GGNBP2: variants seen among roughly 807,000 people sequenced by gnomAD.
GGNBP2 encodes the protein gametogenetin binding protein 2.
In GGNBP2, 10 loss-of-function variants were observed where a neutral mutation model predicts 85.9. The ratio of observed to expected loss-of-function variants is 0.12; its 90% CI spans 0.07 to 0.20. GGNBP2 has a LOEUF of 0.20. GGNBP2 is among the 10% of genes least tolerant of loss of function. The pLI is 1.00. For synonymous variants in GGNBP2, 287 were observed against 285.7 expected (o/e 1.00, Z -0.05); for missense variants, 595 against 857.8 (o/e 0.69, Z 3.83).
intron 8 of GGNBP2, among the ~76,000 whole-genome samples, chr17:36,580,549 G>T (rs1041197680): frequency 6.6e-6 from 1 of 152,054 alleles, no homozygotes; most frequent in African/African-American, 2.4e-5. Flanking sequence ...TACCTTCAGA[G>T]ACTAGATCAT....
chr17:36,574,876 G>C lies in GGNBP2; in HGVS notation c.642-3107G>C, dbSNP rs572080972. ...GGACAATAGAGAGCTTGGCCAGGAT[G>C]ATGGCCCCGTGGATGGCAGTGGCCA... On this transcript the variant is annotated intron_variant, in intron 6 of 13. Coordinates refer to ENST00000613102, the MANE Select transcript of GGNBP2 (RefSeq NM_024835.5). 1.4e-3 allele frequency: 1,039 copies of C among 728,256 alleles called. 12 individuals are homozygous for C. Among genetic ancestry groups the C allele is most frequent in the Non-Finnish European group, 2.6e-4 (105 of 410,106 alleles). The allele number at this position is 728,256 out of a possible 1,614,324, so 45.1% of individuals were successfully genotyped here. A position where few individuals can be genotyped will look rare whatever the true frequency, so the allele number is the denominator to read the frequency against.
At chr17:36,586,292 G>C in intron 12 of GGNBP2, 94 bp downstream of exon 12, 1 of 1,461,664 alleles carries the variant, frequency 6.8e-7, no homozygotes, top group Non-Finnish European at 9.0e-7. Flanking sequence ...TAGCTGCTAG[G>C]ATTTACTTTT....
intron 5 of GGNBP2, among the ~76,000 whole-genome samples, chr17:36,565,621 G>A (rs1347348475): frequency 8.5e-5 from 13 of 152,130 alleles, no homozygotes; most frequent in Admixed American, 7.9e-4. Flanking sequence ...AAAGGGGCTG[G>A]GCGGGGTGGC....
chr17:36,573,966 TA>T (rs1407662564), intron 6 of GGNBP2, among the ~76,000 whole-genome samples: 1 of 152,180 alleles, frequency 6.6e-6, no homozygotes, highest in African/African-American at 2.4e-5. Context: ...TAAATTAAGC[TA>T]TTTTTTTTGT....
intron 5 of GGNBP2, among the ~76,000 whole-genome samples, chr17:36,563,176 G>A (rs11651411): frequency 2.0e-5 from 3 of 152,028 alleles, no homozygotes; most frequent in African/African-American, 7.2e-5. Context: ...TGAGGCAGGA[G>A]AATCGCTTGA....
intron 8 of GGNBP2, among the ~76,000 whole-genome samples, 172 bp from the exon 9 acceptor site, chr17:36,581,172 C>T (rs369392525): frequency 2.0e-5 from 3 of 151,928 alleles, no homozygotes; most frequent in East Asian, 1.9e-4. Flanking sequence ...GTAGTCCCAG[C>T]TACTTAGGAG....
At chr17:36,586,952 T>A (rs1425520696) in intron 12 of GGNBP2, 45 bp from the exon 13 acceptor site, 2 of 1,547,802 alleles carry the variant, frequency 1.3e-6, no homozygotes, top group African/African-American at 2.8e-5. Flanking sequence ...TAATTGCTAT[T>A]ATATCATGCC....
At chr17:36,569,988 A>T (rs1446999999) in intron 6 of GGNBP2, among the ~76,000 whole-genome samples, 1 of 152,228 alleles carries the variant, frequency 6.6e-6, no homozygotes, top group East Asian at 1.9e-4. Flanking sequence ...TAAGGCAGTG[A>T]GTGATGAATT....
chr17:36,560,865 C>T lies in GGNBP2; in HGVS notation c.521C>T (p.Pro174Leu). The T allele has an allele frequency of 1.9e-6, 3 of 1,556,188 alleles. No individual in the cohort carries two copies. Among genetic ancestry groups the T allele is most frequent in the Non-Finnish European group, 2.6e-6 (3 of 1,142,238 alleles). ...LHSLDTHKPK[P>L]LGGCWMDVWE... Reference sequence around the variant, plus strand: ...TCCTTAGATACGCACAAGCCAAAACCTTTGGGGTAAGTAGAATTGAATACC... The same window carrying T: ...TCCTTAGATACGCACAAGCCAAAACTTTTGGGGTAAGTAGAATTGAATACC... Residue 174 changes from proline (P) to leucine (L), a missense_variant, in exon 5 of 14, where the codon CCT (proline) becomes CTT (leucine). Physicochemically the swap from Pro to Leu is moderately conservative, Grantham distance 98. Around this residue, in one of 9 missense-constraint regions of GGNBP2, gnomAD observed 216 missense variants for 293.4 expected, o/e 0.74. Coordinates refer to ENST00000613102, the MANE Select transcript of GGNBP2 (RefSeq NM_024835.5).
Position 36,585,450 on chromosome 17 carries a change from G to A in GGNBP2, c.1366G>A (p.Gly456Ser), listed in dbSNP as rs771589726. 8.2e-6 allele frequency: 13 copies of A among 1,577,434 alleles called. No individual in the cohort carries two copies. The highest frequency in any genetic ancestry group is 1.1e-5 in the Non-Finnish European group (13 of 1,159,466). The change falls in exon 10 of 14, where the codon GGC becomes AGC. Residue 456 changes from glycine (G) to serine (S), a missense_variant and splice_region_variant. Transcript: ENST00000613102. ...TTTGGGGTCCCCTAAAATAAAGAAA[G>A]GTAAGTAAATAATTTCTTTTTAAAA... ...NLLGSPKIKKGLSPHCNGSDC... is the reference protein window; with the variant it reads ...NLLGSPKIKKSLSPHCNGSDC...
Position 36,567,728 on chromosome 17 carries a change from A to C in GGNBP2, c.593A>C (p.Asp198Ala). Residue 198 changes from aspartate to alanine, a missense_variant, in exon 6 of 14, where the codon GAC (aspartate) becomes GCC (alanine). By Grantham distance (126) the Asp-to-Ala change is moderately radical. Around this residue, in one of 9 missense-constraint regions of GGNBP2, gnomAD observed 216 missense variants for 293.4 expected, o/e 0.74. Coordinates refer to ENST00000613102, the MANE Select transcript of GGNBP2 (RefSeq NM_024835.5). ...QECRDEVVLI[D>A]SSCLLETLET... ...TGCAGGGATGAAGTAGTTTTAATTG[A>C]CTCGAGTTGTCTTTTAGAAACACTA... 3 of 1,609,938 alleles carry C rather than the reference A, an allele frequency of 1.9e-6. No homozygotes were observed. Among genetic ancestry groups the C allele is most frequent in the Non-Finnish European group, 2.6e-6 (3 of 1,176,372 alleles).
chr17:36,560,874 A>G lies in GGNBP2; in HGVS notation c.527+3A>G. 6.7e-7 allele frequency: 1 copy of G among 1,487,734 alleles called. No homozygotes were observed. Among genetic ancestry groups the G allele is most frequent in the East Asian group, 2.3e-5 (1 of 43,666 alleles). 92.2% of individuals were successfully genotyped at this position (1,487,734 alleles called of 1,614,324 possible). A position where few individuals can be genotyped will look rare whatever the true frequency, so the allele number is the denominator to read the frequency against. The stretch of plus-strand genomic sequence containing the variant: ...ACGCACAAGCCAAAACCTTTGGGGT[A>G]AGTAGAATTGAATACCAAGAGGCTT... On this transcript the variant is annotated splice_donor_region_variant and intron_variant, in intron 5 of 13. Transcript: ENST00000613102.
intron 7 of GGNBP2, chr17:36,578,615 A>T (rs1175368028): frequency 1.2e-5 from 2 of 160,268 alleles, no homozygotes; most frequent in Admixed American, 6.1e-5. Context: ...TGTGTATATT[A>T]TATTATTATT....
At chr17:36,574,929 C>T (rs888856679) in intron 6 of GGNBP2, 4 of 1,045,346 alleles carry the variant, frequency 3.8e-6, no homozygotes, top group South Asian at 2.7e-5. Context: ...ACACCCAGAC[C>T]GATGTGGCCA....
intron 3 of GGNBP2, among the ~76,000 whole-genome samples, chr17:36,555,589 C>G (rs1198230098): frequency 1.3e-5 from 2 of 152,094 alleles, no homozygotes; most frequent in African/African-American, 4.8e-5. Context: ...CCAGCTCCTC[C>G]GTAGGTTCAG....
intron 5 of GGNBP2, among the ~76,000 whole-genome samples, chr17:36,562,685 G>A (rs2074429407): frequency 1.3e-5 from 2 of 151,188 alleles, no homozygotes; most frequent in African/African-American, 2.4e-5. Flanking sequence ...ACATTTTATC[G>A]GCCGGGTGCA....
intron 10 of GGNBP2, 104 bp from the exon 11 acceptor site, chr17:36,585,736 A>C (rs1315262232): frequency 1.1e-6 from 1 of 947,254 alleles, no homozygotes; most frequent in Non-Finnish European, 1.6e-6. Context: ...ACTTTTAATA[A>C]GCCATTAATT....
In GGNBP2 at chr17:36,589,482, CTTAA is replaced by C; in HGVS notation, c.*74_*77del. ...ACTGCGCCTTCTCTTTCGAAAAACT[CTTAA>C]TTTAGTGACTTATGGCAAAATTTTA... On this transcript the variant is annotated 3_prime_UTR_variant, in exon 14 of 14. Transcript: ENST00000613102. 7.9e-7 allele frequency: 1 copy of C among 1,264,928 alleles called. No individual in the cohort carries two copies. Among genetic ancestry groups the C allele is most frequent in the Non-Finnish European group, 1.1e-6 (1 of 890,154 alleles). 78.4% of individuals were successfully genotyped at this position (1,264,928 alleles called of 1,614,324 possible).
chr17:36,549,215 T>G (rs2142675832), intron 2 of GGNBP2, among the ~76,000 whole-genome samples: 1 of 152,298 alleles, frequency 6.6e-6, no homozygotes, highest in East Asian at 1.9e-4. Context: ...AAGTTTTTTT[T>G]TTTTTGAGAC....
Sources: gnomAD v4.1 joint callset for allele counts (sites outside exome capture counted in the v4.1 genomes callset) on GRCh38, gnomAD v4.1.1 for gene constraint, gnomAD v4.1.1 regional missense constraint, MANE v1.5 for transcripts, NCBI Gene and HGNC (gene_info 2026-07-23, HGNC 2026-07-21) for gene names.